SRGAP2C: variants seen among roughly 807,000 people sequenced by gnomAD.
The protein encoded by SRGAP2C is SLIT-ROBO Rho GTPase activating protein 2C.
In SRGAP2C, 15 loss-of-function variants were observed where a neutral mutation model predicts 25.1. That is an observed-to-expected ratio of 0.60 (90% CI 0.40 to 0.92). SRGAP2C has a LOEUF of 0.92. SRGAP2C is among the 40% of genes least tolerant of loss of function. The probability of loss-of-function intolerance (pLI) is 0.00; values close to 1 mark genes in which losing one functional copy is unlikely to be tolerated. For missense variants in SRGAP2C, 144 were observed against 264.4 expected (o/e 0.54, Z 3.16); for synonymous variants, 44 against 96.6 (o/e 0.46, Z 3.19).
chr1:121,212,216 C>T (rs1263558648), intron 2 of SRGAP2C, among the ~76,000 whole-genome samples: 1 of 115,310 alleles, frequency 8.7e-6, no homozygotes, highest in East Asian at 2.9e-4. Flanking sequence ...CTGCAACCTC[C>T]ACCTCCCGGG....
chr1:121,295,751 T>C (rs1208264817), intron 3 of SRGAP2C, among the ~76,000 whole-genome samples: 7 of 152,104 alleles, frequency 4.6e-5, no homozygotes, highest in Non-Finnish European at 7.3e-5. Context: ...TTGTTGTTGT[T>C]GTTGTTGTTG....
intron 2 of SRGAP2C, among the ~76,000 whole-genome samples, chr1:121,224,821 T>C (rs1570718339): frequency 6.6e-6 from 1 of 152,046 alleles, no homozygotes; most frequent in East Asian, 1.9e-4. Flanking sequence ...CCGGGCTTCA[T>C]GCGTGTGTGA....
intron 3 of SRGAP2C, among the ~76,000 whole-genome samples, chr1:121,305,902 C>T (rs1657817914): frequency 6.6e-6 from 1 of 151,526 alleles, no homozygotes; most frequent in Non-Finnish European, 1.5e-5. Context: ...TTAGCAAAGG[C>T]TGGTTTTTAA....
intron 2 of SRGAP2C, among the ~76,000 whole-genome samples, chr1:121,272,501 T>C (rs1656998012): frequency 6.6e-6 from 1 of 151,616 alleles, no homozygotes; most frequent in Admixed American, 6.6e-5. Flanking sequence ...GGTAAAAAGG[T>C]GGTTCCCCCT....
chr1:121,210,896 A>G (rs1362754892), intron 2 of SRGAP2C, among the ~76,000 whole-genome samples: 2 of 102,606 alleles, frequency 1.9e-5, no homozygotes, highest in African/African-American at 8.2e-5. Flanking sequence ...ACTCATTAAA[A>G]CTCTTGACCA....
chr1:121,304,912 A>T (rs1657793004), intron 3 of SRGAP2C, among the ~76,000 whole-genome samples: 1 of 152,004 alleles, frequency 6.6e-6, no homozygotes, highest in African/African-American at 2.4e-5. Flanking sequence ...GACATTTCTC[A>T]CTGCCAAACC....
At chr1:121,270,970 T>G (rs1382063472) in intron 2 of SRGAP2C, among the ~76,000 whole-genome samples, 1 of 149,326 alleles carries the variant, frequency 6.7e-6, no homozygotes, top group Non-Finnish European at 1.5e-5. Context: ...TTTTTTTGTA[T>G]TTTTTTTTAG....
Position 121,191,493 on chromosome 1 carries a change from T to G in SRGAP2C, c.67+3980T>G, listed in dbSNP as rs1430550137. On this transcript the variant is annotated intron_variant, in intron 2 of 9. Coordinates refer to ENST00000367123, the MANE Select transcript of SRGAP2C (RefSeq NM_001329984.2). Reference sequence around the variant, plus strand: ...AATCTGCAGATATGGAACCTGCAGGTATGGGGAGGGCTGATGTACATTAAT... The same window carrying G: ...AATCTGCAGATATGGAACCTGCAGGGATGGGGAGGGCTGATGTACATTAAT... Among the ~76,000 whole-genome samples, 21 of 149,846 alleles carry G rather than the reference T, an allele frequency of 1.4e-4. No homozygotes were observed. In the East Asian group the frequency reaches 4.1e-3, roughly 29 times the overall value.
At chr1:121,202,173 G>A (rs1254348332) in intron 2 of SRGAP2C, among the ~76,000 whole-genome samples, 1 of 152,082 alleles carries the variant, frequency 6.6e-6, no homozygotes, top group African/African-American at 2.4e-5. Flanking sequence ...GAGACTTGAT[G>A]AATTGAACTC....
chr1:121,237,467 A>G (rs1655987104), intron 2 of SRGAP2C, among the ~76,000 whole-genome samples: 1 of 152,184 alleles, frequency 6.6e-6, no homozygotes, highest in African/African-American at 2.4e-5. Flanking sequence ...CATTGTATCA[A>G]CTGGGAGATC....
chr1:121,287,519 C>T (rs1301491127), intron 3 of SRGAP2C, among the ~76,000 whole-genome samples: 1 of 149,292 alleles, frequency 6.7e-6, no homozygotes, highest in Non-Finnish European at 1.5e-5. Flanking sequence ...TGGATTTATT[C>T]TGTTGGTAAT....
At chr1:121,279,499 G>T (rs1339489345) in intron 2 of SRGAP2C, among the ~76,000 whole-genome samples, 10 of 151,492 alleles carry the variant, frequency 6.6e-5, no homozygotes, top group South Asian at 2.1e-4. Context: ...TGTCAGTGTG[G>T]CAGGGCCCTG....
At chr1:121,191,354 A>G (rs587658398) in intron 2 of SRGAP2C, among the ~76,000 whole-genome samples, 127 of 151,862 alleles carry the variant, frequency 8.4e-4, no homozygotes, top group African/African-American at 2.8e-3. Context: ...TACAGTGTAA[A>G]TGCTATGTAA....
rs376523194 is a variant in SRGAP2C, at chr1:121,383,466, CTG to C, written c.1056+544_1056+545del. The stretch of plus-strand genomic sequence containing the variant: ...ATCTTATTCTCCTGAAGTTAGAAGA[CTG>C]TGATGAAGTGTATAGTTTTGTTTGG... On this transcript the variant is annotated intron_variant, in intron 8 of 9. Transcript: ENST00000367123. Among the ~76,000 whole-genome samples the C allele has an allele frequency of 1.4e-3, 211 of 150,710 alleles. No individual in the cohort carries two copies. In the Middle Eastern group the frequency reaches 0.017, roughly 12 times the overall value.
At chr1:121,228,838 T>C (rs1221369450) in intron 2 of SRGAP2C, among the ~76,000 whole-genome samples, 3 of 150,976 alleles carry the variant, frequency 2.0e-5, no homozygotes, top group African/African-American at 4.9e-5. Flanking sequence ...ACCCTGAGTT[T>C]GTCATGTTAT....
intron 2 of SRGAP2C, among the ~76,000 whole-genome samples, chr1:121,264,586 C>T (rs1383223501): frequency 3.5e-5 from 5 of 144,766 alleles, no homozygotes; most frequent in Non-Finnish European, 7.6e-5. Context: ...AGCTTCTTTT[C>T]TGTTGCCTCT....
At chr1:121,314,986 C>G (rs1570778236) in intron 3 of SRGAP2C, 9 of 1,048,258 alleles carry the variant, frequency 8.6e-6, no homozygotes, top group South Asian at 2.5e-5. Flanking sequence ...AAGCATCCTT[C>G]TAAACTATCC....
intron 2 of SRGAP2C, among the ~76,000 whole-genome samples, chr1:121,258,090 A>G (rs1656522851): frequency 6.6e-6 from 1 of 151,688 alleles, no homozygotes; most frequent in Non-Finnish European, 1.5e-5. Flanking sequence ...GGGCATATGG[A>G]TTATGACCAG....
Position 121,389,179 on chromosome 1 carries a change from AC to A in SRGAP2C, c.*1325del. 1.3e-5 allele frequency: 2 copies of A among 152,290 alleles called. No individual in the cohort carries two copies. Among genetic ancestry groups the A allele is most frequent in the African/African-American group, 4.8e-5 (2 of 41,580 alleles). 9.4% of individuals were successfully genotyped at this position (152,290 alleles called of 1,614,324 possible). On this transcript the variant is annotated 3_prime_UTR_variant, in exon 10 of 10. Coordinates refer to ENST00000367123, the MANE Select transcript of SRGAP2C (RefSeq NM_001329984.2). Reference sequence around the variant, plus strand: ...TTATGAGTAAAATATTAAAACCTATACAAAAAAATAACAGAATGGCATTTTA... The same window carrying A: ...TTATGAGTAAAATATTAAAACCTATAAAAAAAATAACAGAATGGCATTTTA...
Sources: allele counts gnomAD v4.1 joint callset (sites outside exome capture counted in the v4.1 genomes callset), GRCh38; gene constraint gnomAD v4.1.1; transcripts MANE v1.5; gene names NCBI Gene and HGNC (gene_info 2026-07-23, HGNC 2026-07-21).